Variants in C13orf46 observed in about 807,000 individuals in gnomAD.
The protein encoded by C13orf46 is uncharacterized protein C13orf46.
chr13:113,955,637 ACGAGGAGTAG>A lies in C13orf46; in HGVS notation c.*1126_*1135del, dbSNP rs2052522364. The A allele has an allele frequency of 2.8e-5, 4 of 142,446 alleles. No individual in the cohort carries two copies. Among genetic ancestry groups the A allele is most frequent in the East Asian group, 2.3e-4 (1 of 4,286 alleles). 8.8% of individuals were successfully genotyped at this position (142,446 alleles called of 1,614,324 possible). A position where few individuals can be genotyped will look rare whatever the true frequency, so the allele number is the denominator to read the frequency against. On this transcript the variant is annotated 3_prime_UTR_variant, in exon 7 of 7. Transcript: ENST00000636427. ...AGACGAGGAGTAGTGTCTGGCGGAG[ACGAGGAGTAG>A]TGTCTGGCAGAGACAAGGAGTAGTG...
At chr13:113,962,304 G>T (rs1367909150) in intron 6 of C13orf46, among the ~76,000 whole-genome samples, 1 of 152,194 alleles carries the variant, frequency 6.6e-6, no homozygotes, top group African/African-American at 2.4e-5. Flanking sequence ...TACTCAGGAG[G>T]CTGAGGCAGG....
At chr13:113,945,628 G>GA in the C13orf46 span, among the ~76,000 whole-genome samples, 2 of 129,772 alleles carry the variant, frequency 1.5e-5, no homozygotes, top group Non-Finnish European at 3.4e-5. Context: ...AAGAAAGAAA[G>GA]AAAGAAAGAA....
chr13:113,953,668 G>A (rs2052498865), downstream of C13orf46: 1 of 152,260 alleles, frequency 6.6e-6, no homozygotes, highest in South Asian at 2.1e-4. Flanking sequence ...CCAGAATGAG[G>A]CCAGCCACAC....
chr13:113,939,400 C>T, the C13orf46 span, among the ~76,000 whole-genome samples: 9 of 151,776 alleles, frequency 5.9e-5, no homozygotes, highest in Admixed American at 2.6e-4. Context: ...AGAGACCACC[C>T]GATGGGGAGG....
intron 6 of C13orf46, among the ~76,000 whole-genome samples, chr13:113,957,104 C>T (rs1450437389): frequency 6.6e-6 from 1 of 150,710 alleles, no homozygotes; most frequent in Non-Finnish European, 1.5e-5. Flanking sequence ...GTCTCCCCTG[C>T]ACCTGCATAT....
At chr13:113,952,107 CT>C (rs1184800183), downstream of C13orf46, among the ~76,000 whole-genome samples, 2 of 152,258 alleles carry the variant, frequency 1.3e-5, no homozygotes, top group Non-Finnish European at 2.9e-5. Flanking sequence ...CCCACATCAC[CT>C]GCAGTGAAAA....
chr13:113,967,634 C>G (rs1407322740), intron 4 of C13orf46, among the ~76,000 whole-genome samples: 1 of 152,166 alleles, frequency 6.6e-6, no homozygotes, highest in African/African-American at 2.4e-5. Flanking sequence ...ATATGGCTTT[C>G]TCACCCCTCC....
intron 6 of C13orf46, among the ~76,000 whole-genome samples, chr13:113,961,837 G>A (rs958368200): frequency 6.6e-6 from 1 of 151,904 alleles, no homozygotes; most frequent in Admixed American, 6.6e-5. Flanking sequence ...GTGATCTGTG[G>A]CCCCTCTGAT....
chr13:113,946,815 C>T, the C13orf46 span, among the ~76,000 whole-genome samples: 54 of 152,380 alleles, frequency 3.5e-4, no homozygotes, highest in Admixed American at 3.4e-3. Context: ...AACCTGCGCC[C>T]GGCAGCTCTC....
the C13orf46 span, among the ~76,000 whole-genome samples, chr13:113,934,944 A>C: frequency 8.1e-4 from 123 of 152,324 alleles, no homozygotes; most frequent in African/African-American, 2.8e-3. Context: ...AGTGAGGACG[A>C]GGTATTGGCC....
At chr13:113,952,328 G>A (rs1481585611), downstream of C13orf46, among the ~76,000 whole-genome samples, 5 of 112,902 alleles carry the variant, frequency 4.4e-5, 1 homozygote, top group South Asian at 9.6e-4. Context: ...CGCCTGCCCA[G>A]GGCCGCTGTG....
At chr13:113,972,164 G>A (rs908487078) in intron 1 of C13orf46, among the ~76,000 whole-genome samples, 3 of 152,144 alleles carry the variant, frequency 2.0e-5, no homozygotes, top group Non-Finnish European at 4.4e-5. Flanking sequence ...GCACTGTGGT[G>A]GCATCGGGCG....
the C13orf46 span, among the ~76,000 whole-genome samples, chr13:113,945,539 G>GAGAAATAA: frequency 1.4e-5 from 1 of 73,602 alleles, no homozygotes; most frequent in Non-Finnish European, 3.0e-5. Flanking sequence ...GCGAGAATCT[G>GAGAAATAA]AGAAAGAAAG....
At chr13:113,934,603 T>C in the C13orf46 span, among the ~76,000 whole-genome samples, 1 of 152,274 alleles carries the variant, frequency 6.6e-6, no homozygotes, top group African/African-American at 2.4e-5. Context: ...TGTGGGCTAA[T>C]TGGCTACGGT....
the C13orf46 span, among the ~76,000 whole-genome samples, chr13:113,929,178 C>G: frequency 6.6e-6 from 1 of 152,254 alleles, no homozygotes; most frequent in Non-Finnish European, 1.5e-5. Context: ...GGGAGCAACC[C>G]TGTTTCTCAG....
At chr13:113,970,859 C>A (rs1189984660) in intron 1 of C13orf46, among the ~76,000 whole-genome samples, 1 of 152,222 alleles carries the variant, frequency 6.6e-6, no homozygotes, top group African/African-American at 2.4e-5. Context: ...GAGCGGTGCT[C>A]TGGTGCTCCC....
intron 6 of C13orf46, among the ~76,000 whole-genome samples, chr13:113,957,717 C>G (rs2052550789): frequency 7.4e-6 from 1 of 134,988 alleles, no homozygotes; most frequent in Admixed American, 7.3e-5. Context: ...ATCAAGCACA[C>G]TGGGGGTCTC....
chr13:113,949,012 T>G (rs976929178), downstream of C13orf46, among the ~76,000 whole-genome samples: 374 of 152,252 alleles, frequency 2.5e-3, 5 homozygotes, highest in Non-Finnish European at 9.1e-4. Context: ...ACCATGTAAT[T>G]AGAGAGGAAC....
intron 6 of C13orf46, among the ~76,000 whole-genome samples, chr13:113,957,568 C>T (rs1411543121): frequency 8.6e-5 from 11 of 127,516 alleles, no homozygotes; most frequent in East Asian, 7.9e-4. Context: ...TTTCATCAAG[C>T]GCACTGGGGG....
Sources: gnomAD v4.1 joint callset for allele counts (sites outside exome capture counted in the v4.1 genomes callset) on GRCh38, gnomAD v4.1.1 for gene constraint, MANE v1.5 for transcripts, NCBI Gene and HGNC (gene_info 2026-07-23, HGNC 2026-07-21) for gene names.